Variants in GFOD1 observed in about 807,000 individuals in gnomAD.
GFOD1 encodes glucose-fructose oxidoreductase domain-containing protein 1.
A neutral mutation model predicts 25.4 loss-of-function variants in GFOD1; 9 were observed. The observed-to-expected ratio is 0.35, with a 90% CI of 0.21 to 0.62. The LOEUF is 0.62. Among genes scored for constraint, GFOD1 ranks in the 20% least tolerant of loss-of-function variants. The probability of loss-of-function intolerance (pLI) is 0.72; values close to 1 mark genes in which losing one functional copy is unlikely to be tolerated. For missense variants in GFOD1, 403 were observed against 556.9 expected, an observed-to-expected ratio of 0.72 and a Z score of 2.78; for synonymous variants, 253 against 245.6, an observed-to-expected ratio of 1.03 and a Z score of -0.28.
intron 1 of GFOD1, among the ~76,000 whole-genome samples, chr6:13,424,124 C>T (rs1786310139): frequency 6.6e-6 from 1 of 152,210 alleles, no homozygotes; most frequent in Admixed American, 6.5e-5. Context: ...TCCCAAAGTG[C>T]TGGGATTACA....
At chr6:13,468,729 G>A (rs534316969) in intron 1 of GFOD1, among the ~76,000 whole-genome samples, 34 of 152,274 alleles carry the variant, frequency 2.2e-4, no homozygotes, top group African/African-American at 8.2e-4. Context: ...CCTGTCCTGG[G>A]TGTTCTGATT....
chr6:13,422,511 A>G (rs752049204), intron 1 of GFOD1, among the ~76,000 whole-genome samples: 19 of 152,176 alleles, frequency 1.2e-4, no homozygotes, highest in Non-Finnish European at 2.5e-4. Flanking sequence ...TGCTTATTCA[A>G]TTTATTTAAA....
chr6:13,450,997 T>C lies in GFOD1; in HGVS notation c.253+35641A>G, dbSNP rs530202302. ...GCTGCTTTGTGATTGGTTGTCCTTG[T>C]TAAGGTTTCCTACCACACCTTGACC... On this transcript the variant is annotated intron_variant, in intron 1 of 1. Transcript: ENST00000379287. 5.3e-5 allele frequency among the ~76,000 whole-genome samples: 8 copies of C among 152,304 alleles called. No homozygotes were observed. In the East Asian group the frequency reaches 9.7e-4, roughly 18 times the overall value.
At chr6:13,366,263 C>T (rs976709055) in intron 1 of GFOD1, among the ~76,000 whole-genome samples, 1 of 152,086 alleles carries the variant, frequency 6.6e-6, no homozygotes, top group Admixed American at 6.5e-5. Flanking sequence ...TAACTGCAGC[C>T]TCAAATCTCT....
chr6:13,371,755 C>T (rs1381779536), intron 1 of GFOD1, among the ~76,000 whole-genome samples: 2 of 152,200 alleles, frequency 1.3e-5, no homozygotes, highest in Admixed American at 6.5e-5. Flanking sequence ...GCTTTCTGTG[C>T]ACATGCGGGT....
intron 1 of GFOD1, among the ~76,000 whole-genome samples, chr6:13,480,163 C>T (rs9474308): frequency 0.032 from 4,884 of 152,230 alleles, 253 homozygotes; most frequent in African/African-American, 0.11. Flanking sequence ...CAGCTGATGA[C>T]GCCAAACAAG....
Position 13,365,326 on chromosome 6 carries a change from C to T in GFOD1, c.590G>A (p.Gly197Glu). The T allele has an allele frequency of 6.2e-7, 1 of 1,614,198 alleles. No individual in the cohort carries two copies. Among genetic ancestry groups the T allele is most frequent in the Non-Finnish European group, 8.5e-7 (1 of 1,180,034 alleles). ...CTGCTTCACGAAGGTCTTGAGCAGC[C>T]CGTGGACCTTGACGGCCTTTTGGCC... The part of the protein sequence containing the change: ...LTGQKAVKVH[G>E]LLKTFVKQTD... The change falls in exon 2 of 2, where the codon GGG becomes GAG. Residue 197 changes from glycine (G) to glutamate (E), a missense_variant. Physicochemically the swap from Gly to Glu is moderately conservative, Grantham distance 98. Transcript: ENST00000379287. This position sits in a 1 kb window ranked among gnomAD's most constrained non-coding sequence, Gnocchi z 9.2.
chr6:13,436,975 C>A (rs755727982), intron 1 of GFOD1, among the ~76,000 whole-genome samples: 3 of 152,218 alleles, frequency 2.0e-5, no homozygotes, highest in Admixed American at 6.5e-5. Context: ...GCTGCTGGTC[C>A]AACGGCATCA....
intron 1 of GFOD1, 46 bp downstream of exon 1, chr6:13,486,592 T>G (rs755704895): frequency 1.9e-5 from 27 of 1,459,188 alleles, no homozygotes; most frequent in Non-Finnish European, 2.4e-5. Context: ...TAGAGAAGGT[T>G]AAAGGGCGGG....
chr6:13,452,511 G>A (rs1356180388), intron 1 of GFOD1, among the ~76,000 whole-genome samples: 4 of 152,140 alleles, frequency 2.6e-5, no homozygotes, highest in Non-Finnish European at 5.9e-5. Context: ...CCGCAGATTC[G>A]GCATCTGGTG....
chr6:13,447,728 G>A (rs548124707), intron 1 of GFOD1, among the ~76,000 whole-genome samples: 2 of 101,980 alleles, frequency 2.0e-5, no homozygotes, highest in East Asian at 3.3e-4. Flanking sequence ...GTGACAGAGC[G>A]AGACTCCTTC....
Position 13,360,554 on chromosome 6 carries a change from T to C in GFOD1, c.*4189A>G. 2.7e-6 allele frequency: 1 copy of C among 375,286 alleles called. No homozygotes were observed. The allele number at this position is 375,286 out of a possible 1,614,324, so 23.2% of individuals were successfully genotyped here. A position where few individuals can be genotyped will look rare whatever the true frequency, so the allele number is the denominator to read the frequency against. ...CATCTATAATAGTCAGCCAACAAGA[T>C]TTTGAAAATCCCCAGCCCTGAGGCT... On this transcript the variant is annotated 3_prime_UTR_variant, in exon 2 of 2. Coordinates refer to ENST00000379287, the MANE Select transcript of GFOD1 (RefSeq NM_018988.4).
At position 13,365,097 on chromosome 6, in the gene GFOD1, C is replaced by T. The variant is rs1184367074; in HGVS notation, c.819G>A (p.Pro273=). The part of the protein sequence containing the change: ...TDLYGQRNSA[P]EQELLVQDAT... ...CGTCCTGCACCAGCAGCTCCTGCTC[C>T]GGGGCGCTGTTGCGCTGCCCGTACA... The change falls in exon 2 of 2, where the codon CCG becomes CCA. Residue 273 remains proline, a synonymous_variant. Coordinates refer to ENST00000379287, the MANE Select transcript of GFOD1 (RefSeq NM_018988.4). This position sits in a 1 kb window ranked among gnomAD's most constrained non-coding sequence, Gnocchi z 9.2. 5.6e-6 allele frequency: 9 copies of T among 1,612,296 alleles called. No homozygotes were observed. The highest frequency in any genetic ancestry group is 1.1e-5 in the South Asian group (1 of 91,048).
In GFOD1 at chr6:13,476,897, C is replaced by T. The variant is rs554403885; in HGVS notation, c.253+9741G>A. Among the ~76,000 whole-genome samples the T allele has an allele frequency of 5.3e-4, 81 of 152,176 alleles. 1 individual carries two copies. The South Asian group carries it at 0.011, about 21-fold the overall frequency. On this transcript the variant is annotated intron_variant, in intron 1 of 1. Coordinates refer to ENST00000379287, the MANE Select transcript of GFOD1 (RefSeq NM_018988.4). ...ACCCTAGAAGTCAAAGACCTGTAGA[C>T]GGGTATAGAATTGGTCGGGGTGAAG...
chr6:13,435,542 G>A (rs1757820341), intron 1 of GFOD1, among the ~76,000 whole-genome samples: 2 of 152,094 alleles, frequency 1.3e-5, no homozygotes, highest in South Asian at 4.1e-4. Context: ...CCTCCAGGTG[G>A]GTTTGCCCCA....
At chr6:13,483,873 T>C (rs1562233750) in intron 1 of GFOD1, among the ~76,000 whole-genome samples, 2 of 152,178 alleles carry the variant, frequency 1.3e-5, no homozygotes, top group Non-Finnish European at 1.5e-5. Context: ...ATTTGTGAAA[T>C]GGAGCTAATA....
At chr6:13,409,660 G>A (rs1380273655) in intron 1 of GFOD1, among the ~76,000 whole-genome samples, 1 of 152,130 alleles carries the variant, frequency 6.6e-6, no homozygotes, top group Non-Finnish European at 1.5e-5. Flanking sequence ...GGTGGCTCAC[G>A]CCTGTAATCC....
chr6:13,390,165 ATATGACATC>A (rs1476171684), intron 1 of GFOD1, among the ~76,000 whole-genome samples: 2 of 152,224 alleles, frequency 1.3e-5, no homozygotes, highest in Non-Finnish European at 2.9e-5. Context: ...AGCCTTAATC[ATATGACATC>A]TGGAATTCTT....
intron 1 of GFOD1, among the ~76,000 whole-genome samples, chr6:13,459,624 T>C (rs1170572492): frequency 1.3e-5 from 2 of 152,080 alleles, no homozygotes; most frequent in African/African-American, 4.8e-5. Context: ...AAAGGTTTAA[T>C]ATCCAGGACC....
Sources: allele counts gnomAD v4.1 joint callset (sites outside exome capture counted in the v4.1 genomes callset), GRCh38; gene constraint gnomAD v4.1.1; non-coding constraint Gnocchi (gnomAD v3.1); transcripts MANE v1.5; gene names NCBI Gene and HGNC (gene_info 2026-07-23, HGNC 2026-07-21).